SLC1A3: variants seen among roughly 807,000 people sequenced by gnomAD.
SLC1A3 encodes the protein solute carrier family 1 member 3.
In SLC1A3, 21 loss-of-function variants were observed where a neutral mutation model predicts 48.1. That is an observed-to-expected ratio of 0.44 (90% confidence interval 0.31 to 0.63). SLC1A3 has a LOEUF of 0.63. Among genes scored for constraint, SLC1A3 ranks in the 20% least tolerant of loss-of-function variants. The pLI is 0.08. For missense variants in SLC1A3, 546 were observed against 689.0 expected (o/e 0.79, Z 2.32); for synonymous variants, 239 against 251.4 (o/e 0.95, Z 0.47).
At chr5:36,678,922 G>A (rs920622380) in intron 6 of SLC1A3, among the ~76,000 whole-genome samples, 5 of 152,194 alleles carry the variant, frequency 3.3e-5, no homozygotes, top group Admixed American at 2.6e-4. Flanking sequence ...TCTAATTATG[G>A]CAAGTGGTAC....
upstream of SLC1A3, among the ~76,000 whole-genome samples, chr5:36,602,293 T>C (rs534451001): frequency 3.9e-5 from 6 of 152,294 alleles, no homozygotes; most frequent in South Asian, 8.3e-4. Context: ...TATTACTCAA[T>C]CCCTACTGAT....
At chr5:36,675,414 AT>A (rs1486446038) in intron 5 of SLC1A3, among the ~76,000 whole-genome samples, 1 of 152,164 alleles carries the variant, frequency 6.6e-6, no homozygotes, top group Non-Finnish European at 1.5e-5. Flanking sequence ...AAAAATGCTG[AT>A]TTCCAGATCC....
rs181749668 is a variant in SLC1A3 at position 36,683,130 on chromosome 5, A to G, written c.1290-734A>G. 6.8e-3 allele frequency among the ~76,000 whole-genome samples: 1,043 copies of G among 152,346 alleles called. 12 individuals are homozygous for G. Among genetic ancestry groups the G allele is most frequent in the African/African-American group, 0.024 (986 of 41,586 alleles). Reference sequence around the variant, plus strand: ...TTGACAACATTAATCATGAATGTTCAGTAACTTTACAACCCTCCACTTGGA... The same window carrying G: ...TTGACAACATTAATCATGAATGTTCGGTAACTTTACAACCCTCCACTTGGA... On this transcript the variant is annotated intron_variant, in intron 8 of 9. Transcript: ENST00000265113.
At position 36,679,667 on chromosome 5, in the gene SLC1A3, A is replaced by T; in HGVS notation, c.901A>T (p.Ile301Phe). 6.2e-7 allele frequency: 1 copy of T among 1,614,132 alleles called. No homozygotes were observed. The highest frequency in any genetic ancestry group is 8.5e-7 in the Non-Finnish European group (1 of 1,180,022). The change falls in exon 7 of 10, where the codon ATT becomes TTT. Residue 301 changes from isoleucine (I) to phenylalanine (F), a missense_variant. Coordinates refer to ENST00000265113, the MANE Select transcript of SLC1A3 (RefSeq NM_004172.5). The stretch of plus-strand genomic sequence containing the variant: ...TATTCTCTTCCTGATTGCTGGGAAG[A>T]TTGTGGAGATGGAAGACATGGGTGT... ...VGILFLIAGKIVEMEDMGVIG... is the reference protein window; with the variant it reads ...VGILFLIAGKFVEMEDMGVIG...
chr5:36,639,856 A>G (rs1253501054), intron 3 of SLC1A3, among the ~76,000 whole-genome samples: 1 of 152,250 alleles, frequency 6.6e-6, no homozygotes, highest in African/African-American at 2.4e-5. Flanking sequence ...ACACACTCAC[A>G]AACATGAAGA....
chr5:36,596,827 G>T (rs1437722548), intron 1 of SLC1A3, among the ~76,000 whole-genome samples: 1 of 152,194 alleles, frequency 6.6e-6, no homozygotes, highest in Non-Finnish European at 1.5e-5. Context: ...CAATTGTGAC[G>T]ATTTGGTGAA....
intron 9 of SLC1A3, among the ~76,000 whole-genome samples, 177 bp downstream of exon 9, chr5:36,684,175 A>T (rs1440306978): frequency 6.6e-6 from 1 of 152,264 alleles, no homozygotes; most frequent in Non-Finnish European, 1.5e-5. Flanking sequence ...ACCGAGCCCC[A>T]GATGCCATGT....
chr5:36,603,903 T>A (rs1232235176), upstream of SLC1A3, among the ~76,000 whole-genome samples: 4 of 152,210 alleles, frequency 2.6e-5, no homozygotes, highest in African/African-American at 7.2e-5. Context: ...GGTTTTCTAA[T>A]CCATTTTGTT....
intron 2 of SLC1A3, among the ~76,000 whole-genome samples, chr5:36,628,968 A>G (rs1201202205): frequency 6.6e-6 from 1 of 152,182 alleles, no homozygotes; most frequent in Non-Finnish European, 1.5e-5. Flanking sequence ...CAATGTGAAC[A>G]TGAGGGGTTT....
At chr5:36,626,229 G>A (rs1236983506) in intron 2 of SLC1A3, among the ~76,000 whole-genome samples, 1 of 152,074 alleles carries the variant, frequency 6.6e-6, no homozygotes, top group Non-Finnish European at 1.5e-5. Context: ...GCTCAGATGA[G>A]ACTCTGGAAG....
intron 3 of SLC1A3, among the ~76,000 whole-genome samples, chr5:36,633,823 C>T (rs1412661410): frequency 3.9e-5 from 6 of 152,202 alleles, no homozygotes; most frequent in African/African-American, 7.2e-5. Flanking sequence ...TTTAAACCAA[C>T]ATACTCTTCT....
At position 36,601,242 on chromosome 5, in the gene SLC1A3, C is replaced by T. The variant is rs908422870; in HGVS notation, c.-96+4564C>T. Among the ~76,000 whole-genome samples the T allele has an allele frequency of 2.7e-4, 40 of 149,208 alleles. 1 individual carries two copies. ...TGTCATCACTGTGCTTCATAAAACC[C>T]ATGCCCCTCAATAAGCTTCCTTTGG... On this transcript the variant is annotated intron_variant, in intron 1 of 9. Coordinates refer to the SLC1A3 transcript ENST00000680318.
intron 6 of SLC1A3, among the ~76,000 whole-genome samples, chr5:36,678,077 G>A (rs34593765): frequency 6.6e-6 from 1 of 152,202 alleles, no homozygotes; most frequent in Non-Finnish European, 1.5e-5. Flanking sequence ...GATTGACCTA[G>A]GCTTTGTGTG....
At chr5:36,620,119 A>G (rs1641241032) in intron 2 of SLC1A3, among the ~76,000 whole-genome samples, 1 of 152,188 alleles carries the variant, frequency 6.6e-6, no homozygotes, top group South Asian at 2.1e-4. Flanking sequence ...ACTTACCGCA[A>G]TGTGCCTTGG....
At chr5:36,681,430 A>G (rs1342307575) in intron 8 of SLC1A3, among the ~76,000 whole-genome samples, 1 of 152,250 alleles carries the variant, frequency 6.6e-6, no homozygotes, top group Non-Finnish European at 1.5e-5. Context: ...ACTAGAAAAT[A>G]AAAAGTTAGA....
intron 3 of SLC1A3, 123 bp from the exon 4 acceptor site, chr5:36,670,906 A>T: frequency 1.2e-6 from 1 of 866,278 alleles, no homozygotes; most frequent in Non-Finnish European, 1.9e-6. Context: ...CACAACATGT[A>T]CGAAATCCCA....
intron 1 of SLC1A3, among the ~76,000 whole-genome samples, chr5:36,598,018 T>C (rs1738764610): frequency 6.6e-6 from 1 of 152,196 alleles, no homozygotes; most frequent in South Asian, 2.1e-4. Flanking sequence ...CCCCACCTTC[T>C]GTATCCCACC....
At chr5:36,597,971 C>T (rs1738764232) in intron 1 of SLC1A3, among the ~76,000 whole-genome samples, 1 of 152,296 alleles carries the variant, frequency 6.6e-6, no homozygotes, top group South Asian at 2.1e-4. Flanking sequence ...GTTTTCCCTA[C>T]CATAATGTAA....
intron 6 of SLC1A3, among the ~76,000 whole-genome samples, chr5:36,679,148 C>T (rs900769913): frequency 6.6e-6 from 1 of 152,170 alleles, no homozygotes; most frequent in African/African-American, 2.4e-5. Context: ...GGGAATCAGG[C>T]TCTGATGTGG....
Sources: allele counts gnomAD v4.1 joint callset (sites outside exome capture counted in the v4.1 genomes callset), GRCh38; gene constraint gnomAD v4.1.1; transcripts MANE v1.5; gene names NCBI Gene and HGNC (gene_info 2026-07-23, HGNC 2026-07-21).